The following IMPG2 variants were observed in gnomAD, a reference collection of about 807,000 sequenced individuals.
IMPG2 encodes the protein IPM 200.
Under a neutral mutation model 129.2 loss-of-function variants are expected in IMPG2, and 91 were observed. The observed-to-expected ratio is 0.70, with a 90% CI of 0.59 to 0.84. The LOEUF (loss-of-function observed/expected upper bound fraction) is 0.84, where lower values mean the gene tolerates loss of function less well. Among genes scored for constraint, IMPG2 ranks in the 40% least tolerant of loss-of-function variants. The probability of loss-of-function intolerance (pLI) is 0.00; values close to 1 mark genes in which losing one functional copy is unlikely to be tolerated. For synonymous variants in IMPG2, 510 were observed against 517.7 expected (o/e 0.99, Z 0.20); for missense variants, 1,430 against 1,461.7 (o/e 0.98, Z 0.35).
chr3:101,284,565 C>CAAA (rs59576034), intron 4 of IMPG2, among the ~76,000 whole-genome samples: 4 of 150,974 alleles, frequency 2.6e-5, no homozygotes, highest in African/African-American at 9.7e-5. Flanking sequence ...ATATGAACAA[C>CAAA]AAAAAAAAAC....
At chr3:101,234,204 T>C (rs1706321283) in intron 14 of IMPG2, among the ~76,000 whole-genome samples, 1 of 150,038 alleles carries the variant, frequency 6.7e-6, no homozygotes, top group Non-Finnish European at 1.5e-5. Context: ...AATGCAATGA[T>C]TGGTGTCCTT....
chr3:101,229,596 A>G lies in IMPG2; in HGVS notation c.3423-6T>C. On this transcript the variant is annotated splice_region_variant and splice_polypyrimidine_tract_variant and intron_variant, in intron 16 of 18. Coordinates refer to ENST00000193391, the MANE Select transcript of IMPG2 (RefSeq NM_016247.4). ...CAGGCTGCCTGCTGGAGCCACTAAAAGAAAGATATGATGGATTCAGGCTCT... is the reference window on the plus strand; with the variant it reads ...CAGGCTGCCTGCTGGAGCCACTAAAGGAAAGATATGATGGATTCAGGCTCT... 1.2e-6 allele frequency: 2 copies of G among 1,611,912 alleles called. No individual in the cohort carries two copies. Among genetic ancestry groups the G allele is most frequent in the Non-Finnish European group, 1.7e-6 (2 of 1,178,354 alleles).
Position 101,275,679 on chromosome 3 carries a change from T to C in IMPG2, c.650A>G (p.Glu217Gly). 1 of 1,613,068 alleles carries C rather than the reference T, an allele frequency of 6.2e-7. No individual in the cohort carries two copies. The highest frequency in any genetic ancestry group is 1.3e-5 in the African/African-American group (1 of 75,040). Residue 217 changes from glutamate to glycine, a missense_variant, in exon 6 of 19, where the codon GAA becomes GGA. Coordinates refer to ENST00000193391, the MANE Select transcript of IMPG2 (RefSeq NM_016247.4). The part of the protein sequence containing the change: ...AYEGASESSL[E>G]RPEESISNEI... ...ATCACTCACACTCTCCTCTGGCCTTTCCAAGCTGCTCTCTGAGGCACCTTC... is the reference window on the plus strand; with the variant it reads ...ATCACTCACACTCTCCTCTGGCCTTCCCAAGCTGCTCTCTGAGGCACCTTC...
rs578135167 is a variant in IMPG2 at position 101,238,819 on chromosome 3, CA to C, written c.3022+3868del. Among the ~76,000 whole-genome samples the C allele has an allele frequency of 3.6e-4, 55 of 152,226 alleles. No individual in the cohort carries two copies. In the South Asian group the frequency reaches 1.0e-2, roughly 28 times the overall value. On this transcript the variant is annotated intron_variant, in intron 14 of 18. Coordinates refer to ENST00000193391, the MANE Select transcript of IMPG2 (RefSeq NM_016247.4). Reference sequence around the variant, plus strand: ...TAAAGAAACTGCATCTACTAACGGGCAAAATAACCAGCTAGCATCATACTGA... The same window carrying C: ...TAAAGAAACTGCATCTACTAACGGGCAAATAACCAGCTAGCATCATACTGA...
chr3:101,284,534 T>C (rs1409028615), intron 4 of IMPG2, among the ~76,000 whole-genome samples: 1 of 149,576 alleles, frequency 6.7e-6, no homozygotes, highest in Non-Finnish European at 1.5e-5. Flanking sequence ...TTCAAGAAAC[T>C]AAATCAAGAT....
chr3:101,228,669 A>C, intron 18 of IMPG2, 128 bp downstream of exon 18: 1 of 754,508 alleles, frequency 1.3e-6, no homozygotes, highest in Admixed American at 2.1e-5. Flanking sequence ...AGAACTCAAC[A>C]AATGTTGGTT....
intron 14 of IMPG2, among the ~76,000 whole-genome samples, chr3:101,240,145 T>TC (rs1468431837): frequency 1.3e-5 from 2 of 152,136 alleles, no homozygotes; most frequent in African/African-American, 4.8e-5. Context: ...AGAGACAGGT[T>TC]CTCACTATGT....
intron 14 of IMPG2, among the ~76,000 whole-genome samples, chr3:101,238,922 G>A (rs1054251631): frequency 3.3e-5 from 5 of 152,092 alleles, no homozygotes; most frequent in Non-Finnish European, 7.4e-5. Flanking sequence ...GACACAGACT[G>A]GCAAAATGGA....
At position 101,245,801 on chromosome 3, in the gene IMPG2, C is replaced by T; in HGVS notation, c.1543+1G>A. The T allele has an allele frequency of 1.9e-6, 3 of 1,613,578 alleles. No individual in the cohort carries two copies. Among genetic ancestry groups the T allele is most frequent in the Non-Finnish European group, 2.5e-6 (3 of 1,179,524 alleles). ...TACGAAAAGCAATTAAAGTTTCTCA[C>T]CATCTTCTACCAAGTGAGATCCAGA... On this transcript the variant is annotated splice_donor_variant, in intron 12 of 18. Transcript: ENST00000193391. LOFTEE classifies it high-confidence loss of function.
Position 101,226,827 on chromosome 3 carries a change from A to G in IMPG2, c.*142T>C. On this transcript the variant is annotated 3_prime_UTR_variant, in exon 19 of 19. Coordinates refer to ENST00000193391, the MANE Select transcript of IMPG2 (RefSeq NM_016247.4). ...TTCTGAAAACTTAAGCTGAAAAAAA[A>G]ACAGTGTGCCCTATATTTAATTTTT... 1 of 803,758 alleles carries G rather than the reference A, an allele frequency of 1.2e-6. No individual in the cohort carries two copies. Among genetic ancestry groups the G allele is most frequent in the South Asian group, 1.7e-5 (1 of 59,346 alleles). 49.8% of individuals were successfully genotyped at this position (803,758 alleles called of 1,614,324 possible).
chr3:101,308,638 G>A (rs1028904461), intron 2 of IMPG2, among the ~76,000 whole-genome samples: 2 of 152,190 alleles, frequency 1.3e-5, no homozygotes, highest in Admixed American at 1.3e-4. Flanking sequence ...TTATGAGAGG[G>A]GCTGCTGTGA....
In IMPG2 at chr3:101,263,050, G is replaced by A. The variant is rs955917986; in HGVS notation, c.908+4461C>T. ...AAAATGGAGCACCAAGACATATAAAGCAACTATTATTAGATATAAATGGAG... is the reference window on the plus strand; with the variant it reads ...AAAATGGAGCACCAAGACATATAAAACAACTATTATTAGATATAAATGGAG... On this transcript the variant is annotated intron_variant, in intron 9 of 18. Transcript: ENST00000193391. 4.0e-5 allele frequency among the ~76,000 whole-genome samples: 6 copies of A among 151,890 alleles called. 1 individual carries two copies. Among genetic ancestry groups the A allele is most frequent in the Admixed American group, 2.6e-4 (4 of 15,240 alleles).
intron 3 of IMPG2, among the ~76,000 whole-genome samples, chr3:101,297,386 G>A (rs1707092215): frequency 6.6e-6 from 1 of 150,386 alleles, no homozygotes; most frequent in South Asian, 2.1e-4. Flanking sequence ...AGGATTTTTT[G>A]TGTCTCTGTC....
rs1396593961 is a variant in IMPG2, at chr3:101,244,777, A to G, written c.1554T>C (p.Asn518=). 1.2e-6 allele frequency: 2 copies of G among 1,613,448 alleles called. No homozygotes were observed. Among genetic ancestry groups the G allele is most frequent in the African/African-American group, 1.3e-5 (1 of 74,918 alleles). Residue 518 remains asparagine (N), a synonymous_variant, in exon 13 of 19, where the codon AAT becomes AAC. Transcript: ENST00000193391. ...AAAGAAAATCTTCTGACTCTTCAAC[A>G]TTGGCTAATCCTAAAAATAAAGTTT... The part of the protein sequence containing the change: ...GSHLVEDGLA[N]VEESEDFLSI...
At chr3:101,248,033 C>G (rs1227416996) in intron 11 of IMPG2, among the ~76,000 whole-genome samples, 1 of 152,258 alleles carries the variant, frequency 6.6e-6, no homozygotes, top group South Asian at 2.1e-4. Flanking sequence ...CAAAAGCACA[C>G]AATTTTAGGG....
At chr3:101,317,037 G>A (rs889183460) in intron 2 of IMPG2, among the ~76,000 whole-genome samples, 12 of 151,936 alleles carry the variant, frequency 7.9e-5, no homozygotes, top group African/African-American at 2.7e-4. Context: ...AATACATAGC[G>A]ATAGAAAGCA....
intron 9 of IMPG2, among the ~76,000 whole-genome samples, chr3:101,258,147 C>T (rs979039132): frequency 2.0e-4 from 30 of 152,072 alleles, no homozygotes; most frequent in Admixed American, 2.0e-3. Flanking sequence ...TTTTTAAAAA[C>T]AGTCTTTCTA....
intron 9 of IMPG2, among the ~76,000 whole-genome samples, chr3:101,259,653 A>G (rs1222366658): frequency 6.6e-6 from 1 of 151,852 alleles, no homozygotes; most frequent in African/African-American, 2.4e-5. Context: ...GAAAGTATCA[A>G]CATAATAAGG....
chr3:101,229,291 C>G, intron 17 of IMPG2, 89 bp downstream of exon 17: 1 of 1,061,444 alleles, frequency 9.4e-7, no homozygotes, highest in Non-Finnish European at 1.4e-6. Context: ...CACACATACA[C>G]TCATACACAC....
Sources: allele counts gnomAD v4.1 joint callset (sites outside exome capture counted in the v4.1 genomes callset), GRCh38; gene constraint gnomAD v4.1.1; transcripts MANE v1.5; gene names NCBI Gene and HGNC (gene_info 2026-07-23, HGNC 2026-07-21).